CNR2: variants seen among roughly 807,000 people sequenced by gnomAD.
CNR2 encodes the protein cannabinoid receptor 2, also known as cannabinoid receptor 2 (macrophage).
For missense variants in CNR2, 379 were observed against 439.9 expected, an observed-to-expected ratio of 0.86 and a Z score of 1.24; for synonymous variants, 172 against 182.2, an observed-to-expected ratio of 0.94 and a Z score of 0.45.
intron 1 of CNR2, among the ~76,000 whole-genome samples, chr1:23,899,863 G>A (rs1422634089): frequency 3.1e-4 from 2 of 6,504 alleles, no homozygotes; most frequent in Non-Finnish European, 1.8e-3. Context: ...AAGAGGGAAG[G>A]AAGGAAAGAG....
intron 1 of CNR2, among the ~76,000 whole-genome samples, chr1:23,895,600 G>A (rs977396396): frequency 2.0e-5 from 3 of 152,120 alleles, no homozygotes; most frequent in East Asian, 1.9e-4. Context: ...TCCAAATCCC[G>A]GGTTCAAGAG....
chr1:23,884,231 C>T (rs1241102550), intron 1 of CNR2, among the ~76,000 whole-genome samples: 3 of 134,062 alleles, frequency 2.2e-5, no homozygotes, highest in African/African-American at 2.8e-5. Context: ...AGGCACCTGC[C>T]ACCATGCCTG....
chr1:23,910,003 T>C (rs1409069053), intron 1 of CNR2, among the ~76,000 whole-genome samples: 1 of 151,730 alleles, frequency 6.6e-6, no homozygotes, highest in African/African-American at 2.4e-5. Context: ...CTTGCTCAGT[T>C]ACCCAGGCAA....
At chr1:23,906,739 T>G (rs1640492290) in intron 1 of CNR2, among the ~76,000 whole-genome samples, 1 of 151,904 alleles carries the variant, frequency 6.6e-6, no homozygotes, top group Non-Finnish European at 1.5e-5. Flanking sequence ...AAAATAGGTT[T>G]CATTTAGCTG....
intron 1 of CNR2, among the ~76,000 whole-genome samples, chr1:23,877,559 C>T (rs148704829): frequency 7.9e-5 from 12 of 151,662 alleles, no homozygotes; most frequent in Admixed American, 2.0e-4. Context: ...GGCGTGAACC[C>T]GGGAGGCGGA....
intron 1 of CNR2, among the ~76,000 whole-genome samples, chr1:23,879,868 G>A (rs1162257738): frequency 6.6e-6 from 1 of 151,966 alleles, no homozygotes; most frequent in Non-Finnish European, 1.5e-5. Context: ...TAAAAATATA[G>A]GATCTTGTCA....
At chr1:23,902,786 T>TGCGCGG (rs1557534080) in intron 1 of CNR2, 2 of 1,441,508 alleles carry the variant, frequency 1.4e-6, no homozygotes, top group African/African-American at 2.9e-5. Flanking sequence ...AAGTGTGGGC[T>TGCGCGG]GCGCGGGCGC....
At chr1:23,899,375 T>C (rs1176417567) in intron 1 of CNR2, among the ~76,000 whole-genome samples, 1 of 49,748 alleles carries the variant, frequency 2.0e-5, no homozygotes, top group African/African-American at 7.8e-5. Context: ...ACCTCCAAGG[T>C]GTCCTTGTTC....
intron 1 of CNR2, among the ~76,000 whole-genome samples, chr1:23,886,836 T>G (rs1640100698): frequency 1.3e-5 from 2 of 152,210 alleles, no homozygotes; most frequent in East Asian, 3.8e-4. Context: ...TCCAGTGCAA[T>G]AGGCATAGAG....
intron 1 of CNR2, among the ~76,000 whole-genome samples, chr1:23,898,868 G>A (rs1640335233): frequency 1.3e-5 from 2 of 150,430 alleles, no homozygotes; most frequent in Admixed American, 1.3e-4. Flanking sequence ...GGCCAGGCTG[G>A]TCTCCAACTC....
intron 1 of CNR2, among the ~76,000 whole-genome samples, chr1:23,894,421 CAAA>C (rs113493988): frequency 0.02 from 2,979 of 148,126 alleles, 100 homozygotes; most frequent in African/African-American, 0.065. Flanking sequence ...AACTCTGTCT[CAAA>C]AAAAAAAAAT....
At chr1:23,891,923 C>A (rs905318255) in intron 1 of CNR2, among the ~76,000 whole-genome samples, 1 of 152,132 alleles carries the variant, frequency 6.6e-6, no homozygotes. Context: ...CTTTTGATAG[C>A]AGCCAGAGCT....
At position 23,891,634 on chromosome 1, in the gene CNR2, A is replaced by AG. The variant is rs752905161; in HGVS notation, c.-45-15973_-45-15972insC. On this transcript the variant is annotated intron_variant, in intron 1 of 1. Transcript: ENST00000374472. ...AACTCCATCTCAAAAAAAAAAAAAA[A>AG]AAAAGCCCAAATCTTACCTCTTTTT... 3.5e-4 allele frequency among the ~76,000 whole-genome samples: 46 copies of AG among 132,700 alleles called. 2 individuals are homozygous for AG. Among genetic ancestry groups the AG allele is most frequent in the Non-Finnish European group, 6.2e-4 (39 of 62,688 alleles). 87.1% of individuals were successfully genotyped at this position (132,700 alleles called of 152,430 possible). A position where few individuals can be genotyped will look rare whatever the true frequency, so the allele number is the denominator to read the frequency against.
chr1:23,893,514 G>C (rs1358228552), intron 1 of CNR2, among the ~76,000 whole-genome samples: 1 of 152,196 alleles, frequency 6.6e-6, no homozygotes, highest in Non-Finnish European at 1.5e-5. Flanking sequence ...AACTAATTAA[G>C]CAGGAGATTG....
chr1:23,893,713 G>GGCACTGTGCTA (rs1640230260), intron 1 of CNR2, among the ~76,000 whole-genome samples: 1 of 152,138 alleles, frequency 6.6e-6, no homozygotes, highest in Non-Finnish European at 1.5e-5. Context: ...ATGAGTGCTT[G>GGCACTGTGCTA]GCACTGTGCT....
Position 23,901,463 on chromosome 1 carries a change from C to G in CNR2, c.-46+11783G>C, listed in dbSNP as rs529559205. 269 of 1,539,564 alleles carry G rather than the reference C, an allele frequency of 1.7e-4. 1 individual carries two copies. In the South Asian group the frequency reaches 3.2e-3, roughly 18 times the overall value. Reference sequence around the variant, plus strand: ...ACTCGCCGACCTGCTGCAGCCTCCCCGGGCACCTCAGGCATAGAAGATGAG... The same window carrying G: ...ACTCGCCGACCTGCTGCAGCCTCCCGGGGCACCTCAGGCATAGAAGATGAG... On this transcript the variant is annotated intron_variant, in intron 1 of 1. Transcript: ENST00000374472.
At chr1:23,903,021 G>A (rs1640429051) in intron 1 of CNR2, among the ~76,000 whole-genome samples, 1 of 151,800 alleles carries the variant, frequency 6.6e-6, no homozygotes, top group African/African-American at 2.4e-5. Flanking sequence ...GCAAAAGCAG[G>A]GAGGTCGGGC....
chr1:23,892,018 A>T (rs1640200651), intron 1 of CNR2, among the ~76,000 whole-genome samples: 1 of 152,170 alleles, frequency 6.6e-6, no homozygotes, highest in Non-Finnish European at 1.5e-5. Context: ...CTCAATCCCA[A>T]GCCCATGACA....
chr1:23,878,702 A>G (rs1226107176), intron 1 of CNR2, among the ~76,000 whole-genome samples: 1 of 152,200 alleles, frequency 6.6e-6, no homozygotes, highest in African/African-American at 2.4e-5. Context: ...TTAAAAACAC[A>G]TTCCATGTTC....
Sources: gnomAD v4.1 joint callset for allele counts (sites outside exome capture counted in the v4.1 genomes callset) on GRCh38, gnomAD v4.1.1 for gene constraint, MANE v1.5 for transcripts, NCBI Gene and HGNC (gene_info 2026-07-23, HGNC 2026-07-21) for gene names.